Variants in ANK3 observed in about 807,000 individuals in gnomAD.
The protein encoded by ANK3 is ankyrin 3, also known as ankyrin-3.
ANK3 carries 57 observed loss-of-function variants against 370.9 expected under a neutral mutation model. That is an observed-to-expected ratio of 0.15 (90% CI 0.12 to 0.19). The LOEUF is 0.19. Among genes scored for constraint, ANK3 ranks in the 10% least tolerant of loss-of-function variants. ANK3 has a pLI of 1.00. For missense variants in ANK3, 4,439 were observed against 5,302.1 expected (o/e 0.84, Z 5.06); for synonymous variants, 1,929 against 1,946.3 (o/e 0.99, Z 0.23).
At chr10:60,146,464 C>G (rs1001393175) in intron 23 of ANK3, among the ~76,000 whole-genome samples, 10 of 152,152 alleles carry the variant, frequency 6.6e-5, no homozygotes, top group Non-Finnish European at 5.9e-5. Context: ...CCCTCCACCC[C>G]CAAGTAGGCC....
At position 60,028,052 on chromosome 10, in the gene ANK3, A is replaced by G. The variant is rs980410444; in HGVS notation, c.*1794T>C. 6.6e-6 allele frequency: 1 copy of G among 152,224 alleles called. No individual in the cohort carries two copies. The allele number at this position is 152,224 out of a possible 1,614,324, so 9.4% of individuals were successfully genotyped here. ...TGTAAATTAATAAAACAAAACAAAA[A>G]CAAGCTCTGTGGGCTAAAAGCAACT... On this transcript the variant is annotated 3_prime_UTR_variant, in exon 44 of 44. Transcript: ENST00000280772.
At chr10:60,695,301 G>T (rs909733636) in intron 1 of ANK3, among the ~76,000 whole-genome samples, 1 of 151,836 alleles carries the variant, frequency 6.6e-6, no homozygotes, top group Non-Finnish European at 1.5e-5. Context: ...CATTAATAAT[G>T]GGAGACTTTA....
chr10:60,368,134 G>C (rs2059636723), intron 1 of ANK3, among the ~76,000 whole-genome samples: 2 of 152,008 alleles, frequency 1.3e-5, no homozygotes, highest in Non-Finnish European at 1.5e-5. Flanking sequence ...TTACAACCTT[G>C]CCTCTGAAAT....
chr10:60,289,881 A>G (rs924037606), intron 1 of ANK3, among the ~76,000 whole-genome samples: 1 of 152,202 alleles, frequency 6.6e-6, no homozygotes, highest in Non-Finnish European at 1.5e-5. Context: ...AAATTAGTCT[A>G]ATGACTTGAA....
chr10:60,492,533 C>A (rs1324598904), intron 2 of ANK3, among the ~76,000 whole-genome samples: 1 of 150,872 alleles, frequency 6.6e-6, no homozygotes, highest in Non-Finnish European at 1.5e-5. Context: ...CAGTGAAACC[C>A]CATCTTAACC....
intron 2 of ANK3, among the ~76,000 whole-genome samples, chr10:60,492,893 G>C (rs112701156): frequency 0.13 from 18,943 of 148,304 alleles, 1,426 homozygotes; most frequent in African/African-American, 0.21. Context: ...TGGTTAACAC[G>C]GTGAAACCCT....
intron 39 of ANK3, 35 bp downstream of exon 39, chr10:60,064,122 G>A (rs367578804): frequency 3.3e-5 from 50 of 1,526,760 alleles, no homozygotes; most frequent in Non-Finnish European, 3.8e-5. Context: ...CATTTATGCA[G>A]TTTTGAAAGT....
rs556141894 is a variant in ANK3 at position 60,178,512 on chromosome 10, T to A, written c.2184+2817A>T. 2.0e-5 allele frequency among the ~76,000 whole-genome samples: 3 copies of A among 152,286 alleles called. No homozygotes were observed. The South Asian group carries it at 6.2e-4, about 32-fold the overall frequency. ...TAGTACCCGGCATAGAGAAAATGGGTAATACATTGTTTTATTTTATTATGA... is the reference window on the plus strand; with the variant it reads ...TAGTACCCGGCATAGAGAAAATGGGAAATACATTGTTTTATTTTATTATGA... On this transcript the variant is annotated intron_variant, in intron 18 of 43. Transcript: ENST00000280772.
chr10:60,390,803 A>C (rs894975743), upstream of ANK3, among the ~76,000 whole-genome samples: 10 of 152,042 alleles, frequency 6.6e-5, no homozygotes, highest in African/African-American at 2.4e-4. Flanking sequence ...TCAGAAAAAA[A>C]AAAAAGATGT....
At chr10:60,613,287 A>G (rs1295911420) in intron 2 of ANK3, among the ~76,000 whole-genome samples, 2 of 152,192 alleles carry the variant, frequency 1.3e-5, no homozygotes, top group African/African-American at 4.8e-5. Context: ...TATTTATCCA[A>G]TTATATCAAA....
At chr10:60,088,039 C>T in intron 29 of ANK3, 108 bp downstream of exon 29, 1 of 848,998 alleles carries the variant, frequency 1.2e-6, no homozygotes, top group Non-Finnish European at 1.9e-6. Context: ...CCCCAAACGG[C>T]CTAATTAGCA....
At chr10:60,384,295 T>A (rs983647086) in intron 1 of ANK3, among the ~76,000 whole-genome samples, 1 of 152,112 alleles carries the variant, frequency 6.6e-6, no homozygotes, top group Non-Finnish European at 1.5e-5. Context: ...TTCCAAAAAA[T>A]TTTAAAAAAG....
chr10:60,654,513 A>G (rs2078836144), intron 1 of ANK3, among the ~76,000 whole-genome samples: 1 of 152,174 alleles, frequency 6.6e-6, no homozygotes, highest in African/African-American at 2.4e-5. Flanking sequence ...CAATGGTGTT[A>G]AATGATATCA....
intron 18 of ANK3, among the ~76,000 whole-genome samples, chr10:60,180,615 C>CAAAAAAAAAAAAAA (rs990463587): frequency 7.5e-5 from 8 of 106,146 alleles, no homozygotes; most frequent in Admixed American, 1.1e-4. Context: ...AAAAAAAAAC[C>CAAAAAAAAAAAAAA]AAAAAAAAAA....
chr10:60,356,347 C>T (rs930063672), intron 1 of ANK3, among the ~76,000 whole-genome samples: 2 of 152,220 alleles, frequency 1.3e-5, no homozygotes, highest in African/African-American at 4.8e-5. Context: ...ATTCAGTCTA[C>T]ATATACAGTC....
At chr10:60,320,781 C>T (rs1161061360) in intron 1 of ANK3, among the ~76,000 whole-genome samples, 3 of 152,038 alleles carry the variant, frequency 2.0e-5, no homozygotes, top group Admixed American at 2.0e-4. Context: ...TGGTGCACAC[C>T]AGTATAAAAT....
rs752384374 is a variant in ANK3, at chr10:60,176,368, C to CAAAA, written c.2185-3186_2185-3183dup. On this transcript the variant is annotated intron_variant, in intron 18 of 43. Transcript: ENST00000280772. The stretch of plus-strand genomic sequence containing the variant: ...CAACAGAGTGAGAGACTCTGTCTCC[C>CAAAA]AAAAAAAAAAAAAAAAGAAAGAAAA... 3.1e-3 allele frequency among the ~76,000 whole-genome samples: 315 copies of CAAAA among 102,324 alleles called. 4 individuals carry two copies. The highest frequency in any genetic ancestry group is 0.011 in the African/African-American group (300 of 26,768). 67.1% of individuals were successfully genotyped at this position (102,324 alleles called of 152,430 possible). A position where few individuals can be genotyped will look rare whatever the true frequency, so the allele number is the denominator to read the frequency against.
In ANK3 at chr10:60,451,264, G is replaced by A. The variant is rs138865611; in HGVS notation, c.96+163922C>T. ...TCAGACTTCTGGCCTCCAGAAGCCTGTAAGAACACATTTCTGTTGTTTAAG... is the reference window on the plus strand; with the variant it reads ...TCAGACTTCTGGCCTCCAGAAGCCTATAAGAACACATTTCTGTTGTTTAAG... On this transcript the variant is annotated intron_variant, in intron 2 of 43. Transcript: ENST00000373827. Among the ~76,000 whole-genome samples the A allele has an allele frequency of 3.4e-3, 517 of 152,302 alleles. 3 individuals are homozygous for A. The highest frequency in any genetic ancestry group is 0.021 in the South Asian group (103 of 4,814).
At chr10:60,267,244 CAAT>C (rs547834967) in intron 5 of ANK3, among the ~76,000 whole-genome samples, 2 of 151,848 alleles carry the variant, frequency 1.3e-5, no homozygotes, top group South Asian at 4.1e-4. Context: ...TAAATAACAC[CAAT>C]ATTATTGCTA....
Sources: gnomAD v4.1 joint callset for allele counts (sites outside exome capture counted in the v4.1 genomes callset) on GRCh38, gnomAD v4.1.1 for gene constraint, MANE v1.5 for transcripts, NCBI Gene and HGNC (gene_info 2026-07-23, HGNC 2026-07-21) for gene names.